The following MARK3 variants were observed in gnomAD, a reference collection of about 807,000 sequenced individuals.
MARK3 encodes microtubule affinity regulating kinase 3.
Under a neutral mutation model 90.1 loss-of-function variants are expected in MARK3, and 46 were observed. The observed-to-expected ratio is 0.51, with a 90% CI of 0.40 to 0.65. MARK3 has a LOEUF of 0.65. MARK3 is among the 30% of genes least tolerant of loss of function. The pLI is 0.00. For missense variants in MARK3, 818 were observed against 947.2 expected (o/e 0.86, Z 1.79); for synonymous variants, 321 against 332.6 (o/e 0.97, Z 0.38).
intron 2 of MARK3, among the ~76,000 whole-genome samples, chr14:103,418,479 C>A (rs2140928888): frequency 6.6e-6 from 1 of 152,164 alleles, no homozygotes; most frequent in South Asian, 2.1e-4. Context: ...TTGAAGACCC[C>A]AGATATTTGT....
intron 3 of MARK3, among the ~76,000 whole-genome samples, chr14:103,447,581 C>T (rs2093028338): frequency 6.6e-6 from 1 of 152,100 alleles, no homozygotes; most frequent in African/African-American, 2.4e-5. Flanking sequence ...CTTTCTTTTC[C>T]TGGTTTCCTC....
chr14:103,458,833 G>T (rs1291183317), intron 6 of MARK3: 1 of 617,544 alleles, frequency 1.6e-6, no homozygotes, highest in Non-Finnish European at 2.9e-6. Flanking sequence ...TATAAACGTT[G>T]CTTATATTTT....
rs1377600286 is a variant in MARK3 at position 103,462,417 on chromosome 14, G to A, written c.496G>A (p.Val166Ile). Residue 166 changes from valine to isoleucine, a missense_variant, in exon 7 of 18, where the codon GTT becomes ATT. Physicochemically the swap from Val to Ile is conservative, Grantham distance 29. Transcript: ENST00000429436. ...CTCTCCTATTCAGATTGTGTCTGCA[G>A]TTCAATACTGCCATCAGAAACGGAT... ...RSKFRQIVSA[V>I]QYCHQKRIVH... The A allele has an allele frequency of 2.5e-6, 4 of 1,603,926 alleles. No individual in the cohort carries two copies. Among genetic ancestry groups the A allele is most frequent in the Non-Finnish European group, 3.4e-6 (4 of 1,171,514 alleles).
rs545923462 is a variant in MARK3 at position 103,480,105 on chromosome 14, G to C, written c.1483-282G>C. 6.6e-5 allele frequency among the ~76,000 whole-genome samples: 10 copies of C among 152,044 alleles called. No homozygotes were observed. The South Asian group carries it at 2.1e-3, about 32-fold the overall frequency. ...CGCTGCATTCCAGCATGGCGACAGA[G>C]CAACACTGCATCTCAAAAAAGAAAA... On this transcript the variant is annotated intron_variant, in intron 13 of 17. Transcript: ENST00000429436.
chr14:103,456,149 C>G (rs916644326), intron 5 of MARK3, among the ~76,000 whole-genome samples: 1 of 152,164 alleles, frequency 6.6e-6, no homozygotes. Flanking sequence ...GTTTTCACCT[C>G]CATTGTATCC....
chr14:103,449,006 C>T (rs771291638), intron 4 of MARK3, 39 bp downstream of exon 4: 17 of 1,525,240 alleles, frequency 1.1e-5, no homozygotes, highest in East Asian at 6.9e-5. Context: ...GGTCTAAATA[C>T]GTACTTGAAA....
In MARK3 at chr14:103,462,390, G is replaced by T. The variant is rs377549185; in HGVS notation, c.484-15G>T. On this transcript the variant is annotated splice_polypyrimidine_tract_variant and intron_variant, in intron 6 of 17. Coordinates refer to ENST00000429436, the MANE Select transcript of MARK3 (RefSeq NM_001128918.3). The stretch of plus-strand genomic sequence containing the variant: ...CTGCACCAGTGATGACTGACTCTGC[G>T]TCTCTCCTATTCAGATTGTGTCTGC... 2 of 1,581,326 alleles carry T rather than the reference G, an allele frequency of 1.3e-6. No homozygotes were observed. Among genetic ancestry groups the T allele is most frequent in the African/African-American group, 1.3e-5 (1 of 74,324 alleles).
At chr14:103,388,002 G>T (rs1051650751) in intron 1 of MARK3, among the ~76,000 whole-genome samples, 1 of 152,064 alleles carries the variant, frequency 6.6e-6, no homozygotes, top group African/African-American at 2.4e-5. Flanking sequence ...CATGATCTCG[G>T]CTCACTGCAA....
At chr14:103,441,318 T>C (rs2092848519) in intron 3 of MARK3, among the ~76,000 whole-genome samples, 1 of 152,210 alleles carries the variant, frequency 6.6e-6, no homozygotes, top group South Asian at 2.1e-4. Flanking sequence ...GGAGTTTCGC[T>C]CTGTCACCCA....
intron 1 of MARK3, among the ~76,000 whole-genome samples, chr14:103,402,338 A>G (rs2140623700): frequency 6.6e-6 from 1 of 152,236 alleles, no homozygotes; most frequent in African/African-American, 2.4e-5. Context: ...AGATCACTTA[A>G]GGTCAGGAGT....
intron 3 of MARK3, among the ~76,000 whole-genome samples, chr14:103,445,127 A>G (rs2092961782): frequency 6.6e-6 from 1 of 152,246 alleles, no homozygotes; most frequent in Admixed American, 6.5e-5. Flanking sequence ...CCTGAGATGA[A>G]CGTAGACTTT....
chr14:103,495,837 G>A (rs1192159538), intron 15 of MARK3, among the ~76,000 whole-genome samples: 2 of 152,236 alleles, frequency 1.3e-5, no homozygotes, highest in African/African-American at 4.8e-5. Flanking sequence ...TGCTAGAGTG[G>A]TTGAAAGTTC....
chr14:103,452,107 G>C, intron 5 of MARK3, 124 bp downstream of exon 5: 1 of 601,832 alleles, frequency 1.7e-6, no homozygotes, highest in Non-Finnish European at 2.8e-6. Context: ...TAATACGCTA[G>C]GATGAGAGTC....
At chr14:103,443,232 C>T (rs559252479) in intron 3 of MARK3, among the ~76,000 whole-genome samples, 53 of 152,116 alleles carry the variant, frequency 3.5e-4, no homozygotes, top group Non-Finnish European at 6.5e-4. Context: ...TAACATATTG[C>T]CAAACCTGGA....
intron 15 of MARK3, among the ~76,000 whole-genome samples, chr14:103,494,009 G>A (rs149364844): frequency 5.3e-5 from 8 of 151,744 alleles, no homozygotes; most frequent in East Asian, 3.9e-4. Context: ...CAAGAGGGGC[G>A]GATCACCTGG....
At chr14:103,472,039 T>C (rs2093634164) in intron 12 of MARK3, among the ~76,000 whole-genome samples, 4 of 151,330 alleles carry the variant, frequency 2.6e-5, no homozygotes. Flanking sequence ...TGAAACCCTG[T>C]CTCTACTAAA....
At chr14:103,412,311 T>C in intron 2 of MARK3, 1 of 633,462 alleles carries the variant, frequency 1.6e-6, no homozygotes, top group Non-Finnish European at 2.8e-6. Context: ...AACTTGATTG[T>C]GGACTTCGCC....
Position 103,499,797 on chromosome 14 carries a change from C to T in MARK3, c.1872-359C>T. 1.2e-5 allele frequency: 3 copies of T among 247,408 alleles called. No individual in the cohort carries two copies. The South Asian group carries it at 1.5e-4, about 12-fold the overall frequency. 15.3% of individuals were successfully genotyped at this position (247,408 alleles called of 1,614,324 possible). A position where few individuals can be genotyped will look rare whatever the true frequency, so the allele number is the denominator to read the frequency against. On this transcript the variant is annotated intron_variant, in intron 16 of 17. Transcript: ENST00000429436. ...GGCACAATTAGAAAGTGAGAATAACCCCATTCTGAGGCCGAGTGTGCTCAG... is the reference window on the plus strand; with the variant it reads ...GGCACAATTAGAAAGTGAGAATAACTCCATTCTGAGGCCGAGTGTGCTCAG...
At chr14:103,467,010 A>G (rs10144470) in intron 10 of MARK3, 69 bp from the exon 11 acceptor site, 17,054 of 557,100 alleles carry the variant, frequency 0.031, 6 homozygotes, top group Non-Finnish European at 0.034. Context: ...GTCTCAAAAA[A>G]AAAAAAAAAA....
Sources: gnomAD v4.1 joint callset for allele counts (sites outside exome capture counted in the v4.1 genomes callset) on GRCh38, gnomAD v4.1.1 for gene constraint, MANE v1.5 for transcripts, NCBI Gene and HGNC (gene_info 2026-07-23, HGNC 2026-07-21) for gene names.